Variants in NLGN1 observed in about 807,000 individuals in gnomAD.
NLGN1 encodes the protein neuroligin-1.
In NLGN1, 12 loss-of-function variants were observed where a neutral mutation model predicts 65.5. The observed-to-expected ratio is 0.18, with a 90% CI of 0.12 to 0.30. The LOEUF is 0.30. Ranked by LOEUF, NLGN1 falls within the 10% of genes least tolerant of loss-of-function variation. The probability of loss-of-function intolerance (pLI) is 1.00; values close to 1 mark genes in which losing one functional copy is unlikely to be tolerated. For missense variants in NLGN1, 750 were observed against 1,007.1 expected (o/e 0.74, Z 3.46); for synonymous variants, 350 against 359.5 (o/e 0.97, Z 0.30).
chr3:173,933,752 C>T (rs1006459676), intron 4 of NLGN1, among the ~76,000 whole-genome samples: 1 of 152,060 alleles, frequency 6.6e-6, no homozygotes, highest in Non-Finnish European at 1.5e-5. Flanking sequence ...AGACACAAAT[C>T]CCATTAGGCA....
chr3:173,693,941 G>A (rs1406159016), intron 3 of NLGN1, among the ~76,000 whole-genome samples: 4 of 151,878 alleles, frequency 2.6e-5, no homozygotes, highest in Admixed American at 2.6e-4. Flanking sequence ...TAAAATTTTA[G>A]GGAAAGTATA....
intron 3 of NLGN1, among the ~76,000 whole-genome samples, chr3:173,755,208 C>T (rs535700072): frequency 2.6e-5 from 4 of 151,962 alleles, no homozygotes; most frequent in African/African-American, 9.6e-5. Flanking sequence ...CAAAACTGTA[C>T]TATGTGTATT....
intron 3 of NLGN1, among the ~76,000 whole-genome samples, chr3:173,660,276 G>C (rs969799656): frequency 6.6e-6 from 1 of 151,746 alleles, no homozygotes; most frequent in African/African-American, 2.4e-5. Context: ...AGGAACACTT[G>C]TTTCAGTTAT....
intron 2 of NLGN1, among the ~76,000 whole-genome samples, chr3:173,573,331 G>A (rs544077532): frequency 1.3e-5 from 2 of 152,198 alleles, no homozygotes; most frequent in East Asian, 3.9e-4. Context: ...TGGTACAGAG[G>A]ATGCATTCAA....
chr3:173,506,327 T>C (rs1171527549), intron 2 of NLGN1, among the ~76,000 whole-genome samples: 1 of 152,136 alleles, frequency 6.6e-6, no homozygotes, highest in Non-Finnish European at 1.5e-5. Context: ...TGAATAAAAC[T>C]TTCTGCAACT....
At chr3:174,241,456 GA>G (rs1343004226) in intron 4 of NLGN1, among the ~76,000 whole-genome samples, 1 of 151,106 alleles carries the variant, frequency 6.6e-6, no homozygotes, top group African/African-American at 2.4e-5. Flanking sequence ...AGGATTCTTA[GA>G]AGCCGAGTTT....
At chr3:173,993,705 CAACT>C (rs1721633992) in intron 4 of NLGN1, among the ~76,000 whole-genome samples, 1 of 144,652 alleles carries the variant, frequency 6.9e-6, no homozygotes, top group Non-Finnish European at 1.5e-5. Flanking sequence ...GTTCAGGAGC[CAACT>C]AACAGTAATT....
chr3:173,602,577 A>G (rs1560032271), intron 2 of NLGN1, among the ~76,000 whole-genome samples: 1 of 152,192 alleles, frequency 6.6e-6, no homozygotes, highest in East Asian at 1.9e-4. Context: ...GTACAAAAAA[A>G]GGAGTGTTAT....
intron 2 of NLGN1, among the ~76,000 whole-genome samples, chr3:173,594,817 A>G (rs775835808): frequency 6.6e-5 from 10 of 152,208 alleles, no homozygotes; most frequent in Non-Finnish European, 1.2e-4. Context: ...CTGTGCACCC[A>G]CAGGCTGAAC....
intron 3 of NLGN1, among the ~76,000 whole-genome samples, chr3:173,626,278 T>C (rs2149522142): frequency 6.6e-6 from 1 of 152,204 alleles, no homozygotes; most frequent in Admixed American, 6.5e-5. Context: ...TGAATATTAG[T>C]ATTACCAGGA....
chr3:173,454,792 G>A (rs1299301276), intron 2 of NLGN1, among the ~76,000 whole-genome samples: 2 of 152,182 alleles, frequency 1.3e-5, no homozygotes, highest in East Asian at 1.9e-4. Flanking sequence ...CTCTGTATCA[G>A]CAATAACACA....
intron 4 of NLGN1, among the ~76,000 whole-genome samples, chr3:174,116,179 A>G: frequency 6.6e-6 from 1 of 152,144 alleles, no homozygotes; most frequent in Non-Finnish European, 1.5e-5. Context: ...TAGGTCAAAT[A>G]TAAGATATTA....
At chr3:173,618,264 T>TAGC (rs1221090025) in intron 3 of NLGN1, among the ~76,000 whole-genome samples, 1 of 152,108 alleles carries the variant, frequency 6.6e-6, no homozygotes, top group Non-Finnish European at 1.5e-5. Context: ...TGCAAGATGG[T>TAGC]AGCTCACTGT....
intron 2 of NLGN1, among the ~76,000 whole-genome samples, chr3:173,539,939 G>A (rs62292668): frequency 0.51 from 74,421 of 147,028 alleles, 18,661 homozygotes; most frequent in East Asian, 0.84. Context: ...GTGTGTGTGT[G>A]TATATATATC....
At chr3:174,098,094 G>C (rs1367336090) in intron 4 of NLGN1, among the ~76,000 whole-genome samples, 1 of 152,114 alleles carries the variant, frequency 6.6e-6, no homozygotes, top group African/African-American at 2.4e-5. Context: ...ACATATACAG[G>C]AAAAATAAAA....
At position 174,275,302 on chromosome 3, in the gene NLGN1, T is replaced by G. The variant is rs1750340960; in HGVS notation, c.647-13T>G. 6.2e-7 allele frequency: 1 copy of G among 1,601,768 alleles called. No homozygotes were observed. Among genetic ancestry groups the G allele is most frequent in the Non-Finnish European group, 8.5e-7 (1 of 1,170,230 alleles). ...TCAGCTCAAAACGTGTTTTCTAAAT[T>G]TATATTTTTCAGGTTTCTTGAGTAC... is the stretch of plus-strand genomic sequence containing the variant. On this transcript the variant is annotated splice_polypyrimidine_tract_variant and intron_variant, in intron 4 of 6. Coordinates refer to ENST00000457714, the Ensembl canonical transcript of NLGN1.
At chr3:173,831,021 T>C (rs1722449561) in intron 4 of NLGN1, among the ~76,000 whole-genome samples, 1 of 152,206 alleles carries the variant, frequency 6.6e-6, no homozygotes, top group South Asian at 2.1e-4. Flanking sequence ...TAGTTATAGC[T>C]CTCAATTTGG....
chr3:174,137,987 C>T (rs1251011661), intron 4 of NLGN1, among the ~76,000 whole-genome samples: 4 of 152,138 alleles, frequency 2.6e-5, no homozygotes, highest in African/African-American at 9.7e-5. Context: ...TTGATCACTC[C>T]AATTGCTCTG....
chr3:173,740,829 A>G (rs1004547660), intron 3 of NLGN1, among the ~76,000 whole-genome samples: 3 of 152,126 alleles, frequency 2.0e-5, no homozygotes, highest in Non-Finnish European at 2.9e-5. Flanking sequence ...CGAAAACTAG[A>G]AAAGCCATGC....
Sources: gnomAD v4.1 joint callset for allele counts (sites outside exome capture counted in the v4.1 genomes callset) on GRCh38, gnomAD v4.1.1 for gene constraint, MANE v1.5 for transcripts, NCBI Gene and HGNC (gene_info 2026-07-23, HGNC 2026-07-21) for gene names.